ERCC6L2: variants seen among roughly 807,000 people sequenced by gnomAD.
The protein encoded by ERCC6L2 is ERCC excision repair 6 like 2, also known as DNA excision repair protein ERCC-6-like 2.
In ERCC6L2, 77 loss-of-function variants were observed where a neutral mutation model predicts 132.0. That is an observed-to-expected ratio of 0.58 (90% CI 0.49 to 0.71). ERCC6L2 has a LOEUF of 0.71. Among genes scored for constraint, ERCC6L2 ranks in the 30% least tolerant of loss-of-function variants. The pLI, the probability that ERCC6L2 is intolerant of heterozygous loss-of-function variation, is 0.00. For synonymous variants in ERCC6L2, 583 were observed against 632.4 expected, an observed-to-expected ratio of 0.92 and a Z score of 1.17; for missense variants, 1,542 against 1,837.6, an observed-to-expected ratio of 0.84 and a Z score of 2.94.
At chr9:95,883,894 C>A (rs961904846) in intron 2 of ERCC6L2, among the ~76,000 whole-genome samples, 7 of 152,260 alleles carry the variant, frequency 4.6e-5, no homozygotes, top group Admixed American at 3.9e-4. Flanking sequence ...GTACTACATA[C>A]AAAAAGTGAT....
intron 18 of ERCC6L2, among the ~76,000 whole-genome samples, chr9:96,006,545 A>G (rs915482120): frequency 3.9e-5 from 6 of 152,242 alleles, no homozygotes; most frequent in Non-Finnish European, 8.8e-5. Context: ...TGTAAAAAGT[A>G]GCAGCAGCTG....
At chr9:95,965,665 C>T (rs546153498) in intron 13 of ERCC6L2, among the ~76,000 whole-genome samples, 14 of 152,134 alleles carry the variant, frequency 9.2e-5, no homozygotes, top group Admixed American at 9.2e-4. Context: ...ACCACCATGC[C>T]CAGCTAATTT....
intron 19 of ERCC6L2, among the ~76,000 whole-genome samples, chr9:96,024,294 G>C (rs997453741): frequency 1.3e-5 from 2 of 152,216 alleles, no homozygotes; most frequent in Non-Finnish European, 2.9e-5. Context: ...TGGTGACCAG[G>C]GAAGAGGAGA....
rs899619445 is a variant in ERCC6L2, at chr9:95,972,728, A to G, written c.2977A>G (p.Arg993Gly). ...SDDIEISSKSRVRKRASSLRF... is the reference protein window; with the variant it reads ...SDDIEISSKSGVRKRASSLRF... ...TGACATTGAAATTTCTTCCAAGTCA[A>G]GAGTAAGAAAGAGAGCTAGTTCATT... The change falls in exon 16 of 19, where the codon AGA (arginine) becomes GGA (glycine). Residue 993 changes from arginine (R) to glycine (G), a missense_variant. Around this residue, in one of 4 missense-constraint regions of ERCC6L2, gnomAD observed 945 missense variants for 1,105.2 expected, o/e 0.86. Coordinates refer to ENST00000653738, the MANE Select transcript of ERCC6L2 (RefSeq NM_020207.7). 1.5e-6 allele frequency: 2 copies of G among 1,302,674 alleles called. No homozygotes were observed. Among genetic ancestry groups the G allele is most frequent in the Non-Finnish European group, 2.0e-6 (2 of 988,814 alleles). 80.7% of individuals were successfully genotyped at this position (1,302,674 alleles called of 1,614,324 possible).
chr9:96,030,285 G>T (rs368781888), intron 19 of ERCC6L2, among the ~76,000 whole-genome samples: 18 of 152,132 alleles, frequency 1.2e-4, no homozygotes, highest in African/African-American at 3.9e-4. Flanking sequence ...GGCAATAAAA[G>T]CTGGCCACCC....
At chr9:96,007,490 G>T (rs891028250) in intron 18 of ERCC6L2, among the ~76,000 whole-genome samples, 1 of 152,210 alleles carries the variant, frequency 6.6e-6, no homozygotes, top group Non-Finnish European at 1.5e-5. Context: ...GAAGATTGAG[G>T]AGAGAACAGT....
intron 13 of ERCC6L2, among the ~76,000 whole-genome samples, chr9:95,960,047 T>A (rs973265829): frequency 1.3e-5 from 2 of 152,044 alleles, no homozygotes; most frequent in African/African-American, 4.8e-5. Context: ...CCTATCCCAT[T>A]TGGACCAAAT....
At chr9:95,876,171 G>T (rs1827255188) in intron 1 of ERCC6L2, 87 bp downstream of exon 1, 1 of 1,293,254 alleles carries the variant, frequency 7.7e-7, no homozygotes. Flanking sequence ...TCGGGTTGGG[G>T]TTTTGCCCTG....
At chr9:95,896,668 C>G (rs1828483822) in intron 2 of ERCC6L2, among the ~76,000 whole-genome samples, 1 of 152,166 alleles carries the variant, frequency 6.6e-6, no homozygotes, top group African/African-American at 2.4e-5. Flanking sequence ...AAATGATCCT[C>G]CCGTCTTAGC....
At chr9:96,035,294 A>G (rs1834506463) in intron 19 of ERCC6L2, among the ~76,000 whole-genome samples, 1 of 152,132 alleles carries the variant, frequency 6.6e-6, no homozygotes. Flanking sequence ...GGGCTGGGCC[A>G]CTAGTCCCGC....
intron 2 of ERCC6L2, among the ~76,000 whole-genome samples, chr9:95,881,777 C>G (rs1827609887): frequency 1.3e-5 from 2 of 152,168 alleles, no homozygotes; most frequent in Admixed American, 1.3e-4. Context: ...CTTCAAGATT[C>G]CCTAAAATGT....
At chr9:95,971,456 C>T (rs924071301) in intron 15 of ERCC6L2, 1 of 152,090 alleles carries the variant, frequency 6.6e-6, no homozygotes, top group Non-Finnish European at 1.5e-5. Context: ...TGATCAAGAT[C>T]CTATCGGCCT....
At chr9:95,962,857 C>T (rs897963896) in intron 13 of ERCC6L2, among the ~76,000 whole-genome samples, 2 of 152,014 alleles carry the variant, frequency 1.3e-5, no homozygotes, top group African/African-American at 4.8e-5. Flanking sequence ...CTAGATATAG[C>T]CCCATCATAA....
intron 13 of ERCC6L2, among the ~76,000 whole-genome samples, chr9:95,965,424 G>T (rs1045629030): frequency 6.6e-6 from 1 of 152,076 alleles, no homozygotes; most frequent in African/African-American, 2.4e-5. Flanking sequence ...TCAGTAAATG[G>T]CAGCTGTTAT....
At chr9:95,931,115 C>G (rs1249277573) in intron 11 of ERCC6L2, among the ~76,000 whole-genome samples, 1 of 152,188 alleles carries the variant, frequency 6.6e-6, no homozygotes, top group African/African-American at 2.4e-5. Context: ...CAAGATCAGT[C>G]TTAACATCAA....
In ERCC6L2 at chr9:95,940,962, C is replaced by T. The variant is rs1366827065; in HGVS notation, c.1752-492C>T. ...AGCCATGACTCACTGCCATGCCATT[C>T]CTTAGGCCTTGTAGTCCCTAGCCTG... On this transcript the variant is annotated intron_variant, in intron 11 of 18. Coordinates refer to ENST00000653738, the MANE Select transcript of ERCC6L2 (RefSeq NM_020207.7). Among the ~76,000 whole-genome samples the T allele has an allele frequency of 2.6e-5, 4 of 152,048 alleles. 1 individual carries two copies. Among genetic ancestry groups the T allele is most frequent in the Non-Finnish European group, 5.9e-5 (4 of 68,006 alleles).
At chr9:96,011,497 G>A (rs1201013225) in intron 18 of ERCC6L2, among the ~76,000 whole-genome samples, 1 of 152,194 alleles carries the variant, frequency 6.6e-6, no homozygotes, top group Non-Finnish European at 1.5e-5. Context: ...AAGGAGCAGG[G>A]CTCATTGCCC....
chr9:95,897,538 A>G (rs1296068536), intron 2 of ERCC6L2, among the ~76,000 whole-genome samples: 2 of 152,186 alleles, frequency 1.3e-5, no homozygotes, highest in Non-Finnish European at 2.9e-5. Context: ...GGATACGAAG[A>G]GATAGTTTCC....
At chr9:96,034,325 T>C (rs1165643121) in intron 19 of ERCC6L2, among the ~76,000 whole-genome samples, 1 of 152,194 alleles carries the variant, frequency 6.6e-6, no homozygotes, top group Non-Finnish European at 1.5e-5. Context: ...ACTGTAAATG[T>C]AGGTGGAAGA....
Sources: allele counts gnomAD v4.1 joint callset (sites outside exome capture counted in the v4.1 genomes callset), GRCh38; gene constraint gnomAD v4.1.1; regional missense constraint gnomAD v4.1.1; transcripts MANE v1.5; gene names NCBI Gene and HGNC (gene_info 2026-07-23, HGNC 2026-07-21).